The following SLC27A6 variants were observed in gnomAD, a reference collection of about 807,000 sequenced individuals.
SLC27A6 encodes solute carrier family 27 member 6, also known as long-chain fatty acid transport protein 6.
SLC27A6 carries 74 observed loss-of-function variants against 63.9 expected under a neutral mutation model. That is an observed-to-expected ratio of 1.16 (90% CI 0.96 to 1.40). SLC27A6 has a LOEUF of 1.40. SLC27A6 is among the 40% of genes most tolerant of loss of function. The pLI, the probability that SLC27A6 is intolerant of heterozygous loss-of-function variation, is 0.00. For missense variants in SLC27A6, 794 were observed against 732.9 expected (o/e 1.08, Z -0.96); for synonymous variants, 287 against 260.8 (o/e 1.10, Z -0.97).
intron 1 of SLC27A6, among the ~76,000 whole-genome samples, chr5:128,984,284 G>A (rs1487094340): frequency 1.3e-5 from 2 of 152,156 alleles, no homozygotes; most frequent in Non-Finnish European, 2.9e-5. Context: ...CAGAGTGTTG[G>A]TTACCTCAGT....
chr5:128,994,089 C>A (rs1410160691), intron 4 of SLC27A6, among the ~76,000 whole-genome samples: 1 of 152,016 alleles, frequency 6.6e-6, no homozygotes, highest in Non-Finnish European at 1.5e-5. Flanking sequence ...AATTGCTTAA[C>A]CCCGTGAGGT....
chr5:129,020,665 A>G (rs1477498620), intron 5 of SLC27A6, among the ~76,000 whole-genome samples: 1 of 152,140 alleles, frequency 6.6e-6, no homozygotes, highest in Non-Finnish European at 1.5e-5. Flanking sequence ...TATTGCCTTA[A>G]AAGTAGGTGT....
intron 5 of SLC27A6, among the ~76,000 whole-genome samples, chr5:129,017,378 C>T (rs184081051): frequency 1.3e-5 from 2 of 151,950 alleles, no homozygotes; most frequent in East Asian, 1.9e-4. Context: ...TTAGAAGATA[C>T]TATGAGCTAA....
In SLC27A6 at chr5:128,966,578, C is replaced by T. The variant is rs2150124206; in HGVS notation, c.441C>T (p.Cys147=). The T allele has an allele frequency of 6.5e-7, 1 of 1,549,642 alleles. No homozygotes were observed. The highest frequency in any genetic ancestry group is 8.7e-7 in the Non-Finnish European group (1 of 1,155,068). The change falls in exon 1 of 10, where the codon TGC becomes TGT. Residue 147 remains cysteine, a synonymous_variant. Coordinates refer to ENST00000262462, the MANE Select transcript of SLC27A6 (RefSeq NM_001017372.3). ...TNIRSNSLLN[C]IRACGPRALV... ...TTCGCTCCAACTCCCTCCTGAATTG[C>T]ATCCGCGCCTGTGGGCCCAGAGCCC... is the stretch of plus-strand genomic sequence containing the variant.
chr5:128,971,200 A>G (rs1052310742), intron 1 of SLC27A6, among the ~76,000 whole-genome samples: 2 of 152,100 alleles, frequency 1.3e-5, no homozygotes, highest in African/African-American at 2.4e-5. Flanking sequence ...TTTTGGAATA[A>G]GTGTGATGTG....
At chr5:128,989,873 G>A (rs113148221) in intron 3 of SLC27A6, among the ~76,000 whole-genome samples, 4,620 of 148,942 alleles carry the variant, frequency 0.031, 238 homozygotes, top group African/African-American at 0.11. Flanking sequence ...GCAGTGAGCC[G>A]AGTTCGTGCC....
At chr5:129,002,067 T>G (rs992058637) in intron 4 of SLC27A6, among the ~76,000 whole-genome samples, 5 of 152,218 alleles carry the variant, frequency 3.3e-5, no homozygotes, top group African/African-American at 1.2e-4. Flanking sequence ...ATCAATTTGA[T>G]GAATGGTCCT....
intron 5 of SLC27A6, among the ~76,000 whole-genome samples, chr5:129,017,463 ACTATCT>A (rs1210439087): frequency 2.6e-5 from 4 of 152,138 alleles, no homozygotes; most frequent in African/African-American, 7.2e-5. Context: ...GAGCTCAGTA[ACTATCT>A]CTATAAGTTA....
At chr5:129,025,474 G>T (rs1048968524) in intron 6 of SLC27A6, among the ~76,000 whole-genome samples, 1 of 151,950 alleles carries the variant, frequency 6.6e-6, no homozygotes, top group Non-Finnish European at 1.5e-5. Flanking sequence ...TCCGACTCCT[G>T]CATTTGACAG....
chr5:128,985,873 AT>A lies in SLC27A6; in HGVS notation c.685+541del, dbSNP rs1371063510. Among the ~76,000 whole-genome samples the A allele has an allele frequency of 5.3e-5, 8 of 152,208 alleles. No homozygotes were observed. The East Asian group carries it at 1.5e-3, about 29-fold the overall frequency. The stretch of plus-strand genomic sequence containing the variant: ...TAAGCACCTGTTGCTGGCTCTCCTG[AT>A]TTTGGTCAGGGTAATTGAATCATGT... On this transcript the variant is annotated intron_variant, in intron 2 of 9. Coordinates refer to ENST00000262462, the MANE Select transcript of SLC27A6 (RefSeq NM_001017372.3).
At chr5:129,016,149 T>G (rs1050594730) in intron 5 of SLC27A6, 70 bp downstream of exon 5, 19 of 1,136,486 alleles carry the variant, frequency 1.7e-5, no homozygotes, top group African/African-American at 6.4e-5. Context: ...TCCCAACACT[T>G]TGGGACGCCG....
In SLC27A6 at chr5:129,029,594, G is replaced by C. The variant is rs949096483; in HGVS notation, c.1570G>C (p.Gly524Arg). Residue 524 changes from glycine (G) to arginine (R), a missense_variant, in exon 9 of 10, where the codon GGA becomes CGA. By Grantham distance (125) the Gly-to-Arg change is moderately radical (BLOSUM62 -2). Coordinates refer to ENST00000262462, the MANE Select transcript of SLC27A6 (RefSeq NM_001017372.3). ...TTTTTCAGGTTATGAAGGAAGAGCA[G>C]GAATGGCTTCTATTATTTTAAAACC... Reference protein sequence around the residue: ...VAISGYEGRAGMASIILKPNT... With the variant: ...VAISGYEGRARMASIILKPNT... 5.1e-6 allele frequency: 8 copies of C among 1,579,408 alleles called. No individual in the cohort carries two copies. Among genetic ancestry groups the C allele is most frequent in the Non-Finnish European group, 6.9e-6 (8 of 1,165,968 alleles).
chr5:129,009,885 C>T (rs1243748753), intron 4 of SLC27A6, among the ~76,000 whole-genome samples: 1 of 152,192 alleles, frequency 6.6e-6, no homozygotes, highest in East Asian at 1.9e-4. Flanking sequence ...CCTTGTTGCC[C>T]AGGCTGGTCT....
rs1165672701 is a variant in SLC27A6 at position 128,966,018 on chromosome 5, GAAC to G, written c.-119_-117del. 1 of 1,202,846 alleles carries G rather than the reference GAAC, an allele frequency of 8.3e-7. No homozygotes were observed. The highest frequency in any genetic ancestry group is 1.1e-6 in the Non-Finnish European group (1 of 898,494). 74.5% of individuals were successfully genotyped at this position (1,202,846 alleles called of 1,614,324 possible). On this transcript the variant is annotated 5_prime_UTR_variant, in exon 1 of 10. Coordinates refer to ENST00000262462, the MANE Select transcript of SLC27A6 (RefSeq NM_001017372.3). The stretch of plus-strand genomic sequence containing the variant: ...CGCTTCGCCCCGGAAAAGCTGACAA[GAAC>G]TTCAGGTGTAAGCCCTGAGTAGTGA...
Position 129,033,331 on chromosome 5 carries a change from G to A in SLC27A6, c.*49G>A, listed in dbSNP as rs1752470886. ...TATGCTTTCTTAGGAAGAGTGAGAG[G>A]GGGGTATATGATTCTTTATGAAATG... is the stretch of plus-strand genomic sequence containing the variant. On this transcript the variant is annotated 3_prime_UTR_variant, in exon 10 of 10. Coordinates refer to ENST00000262462, the MANE Select transcript of SLC27A6 (RefSeq NM_001017372.3). The A allele has an allele frequency of 1.7e-6, 2 of 1,144,042 alleles. No homozygotes were observed. Among genetic ancestry groups the A allele is most frequent in the East Asian group, 2.6e-5 (1 of 38,832 alleles). The allele number at this position is 1,144,042 out of a possible 1,614,324, so 70.9% of individuals were successfully genotyped here.
At chr5:128,980,791 A>G (rs571766468) in intron 1 of SLC27A6, among the ~76,000 whole-genome samples, 19 of 152,344 alleles carry the variant, frequency 1.2e-4, no homozygotes, top group South Asian at 2.1e-4. Context: ...ATGCTTACCA[A>G]TGTATTAACA....
chr5:128,974,263 T>C (rs1436537821), intron 1 of SLC27A6, among the ~76,000 whole-genome samples: 1 of 152,206 alleles, frequency 6.6e-6, no homozygotes, highest in East Asian at 1.9e-4. Context: ...ATTGTTTTCT[T>C]ATTTTTGTTT....
chr5:129,007,631 TAAATG>T (rs1751589388), intron 4 of SLC27A6, among the ~76,000 whole-genome samples: 1 of 152,076 alleles, frequency 6.6e-6, no homozygotes, highest in South Asian at 2.1e-4. Flanking sequence ...CATTTTAAAT[TAAATG>T]AAATGTCATA....
At chr5:129,029,272 C>A (rs1199280173) in intron 8 of SLC27A6, among the ~76,000 whole-genome samples, 1 of 151,904 alleles carries the variant, frequency 6.6e-6, no homozygotes, top group Non-Finnish European at 1.5e-5. Flanking sequence ...TGTTTTCTTT[C>A]TTAATATTTG....
Sources: gnomAD v4.1 joint callset for allele counts (sites outside exome capture counted in the v4.1 genomes callset) on GRCh38, gnomAD v4.1.1 for gene constraint, MANE v1.5 for transcripts, NCBI Gene and HGNC (gene_info 2026-07-23, HGNC 2026-07-21) for gene names.